CEP135: variants seen among roughly 807,000 people sequenced by gnomAD.
CEP135 encodes centrosomal protein 135, also known as centrosomal protein of 135 kDa.
A neutral mutation model predicts 157.3 loss-of-function variants in CEP135; 142 were observed. The observed-to-expected ratio is 0.90, with a 90% CI of 0.79 to 1.04. The LOEUF (loss-of-function observed/expected upper bound fraction) is 1.04. Among genes scored for constraint, CEP135 ranks in the 50% least tolerant of loss-of-function variants. The pLI is 0.00. For missense variants in CEP135, 1,317 were observed against 1,309.2 expected, an observed-to-expected ratio of 1.01 and a Z score of -0.09; for synonymous variants, 396 against 439.8, an observed-to-expected ratio of 0.90 and a Z score of 1.25.
chr4:55,995,681 T>G (rs2109707873), intron 15 of CEP135, among the ~76,000 whole-genome samples: 1 of 152,270 alleles, frequency 6.6e-6, no homozygotes, highest in South Asian at 2.1e-4. Flanking sequence ...TAAAAACCAT[T>G]TAAACATGTA....
At chr4:55,969,455 A>G (rs1728952619) in intron 9 of CEP135, among the ~76,000 whole-genome samples, 1 of 151,646 alleles carries the variant, frequency 6.6e-6, no homozygotes, top group African/African-American at 2.4e-5. Context: ...AAAAGAAAAG[A>G]AAATTTGTAT....
intron 21 of CEP135, among the ~76,000 whole-genome samples, chr4:56,014,267 G>A (rs1730693251): frequency 6.6e-6 from 1 of 152,228 alleles, no homozygotes; most frequent in Admixed American, 6.5e-5. Context: ...CTGAAAATAT[G>A]AAAGTGGCTT....
At chr4:56,014,243 G>T (rs1057185347) in intron 21 of CEP135, among the ~76,000 whole-genome samples, 2 of 152,244 alleles carry the variant, frequency 1.3e-5, no homozygotes, top group Non-Finnish European at 2.9e-5. Flanking sequence ...GTGGGTTGCT[G>T]CTACAACAAA....
chr4:55,970,072 A>G (rs1372084641), intron 9 of CEP135, among the ~76,000 whole-genome samples: 2 of 148,132 alleles, frequency 1.4e-5, no homozygotes, highest in Admixed American at 6.8e-5. Flanking sequence ...AGGTCTTACT[A>G]TGTTACCCAG....
At chr4:55,998,245 T>C (rs1730044563) in intron 15 of CEP135, among the ~76,000 whole-genome samples, 1 of 152,200 alleles carries the variant, frequency 6.6e-6, no homozygotes, top group South Asian at 2.1e-4. Flanking sequence ...ATAAATACTC[T>C]GAGGTGAGAG....
chr4:56,008,901 TG>T (rs1163994947), intron 18 of CEP135, among the ~76,000 whole-genome samples: 17 of 152,208 alleles, frequency 1.1e-4, no homozygotes, highest in African/African-American at 4.1e-4. Flanking sequence ...CTTTACTTTT[TG>T]TTTGTTTGTT....
chr4:56,029,361 A>G (rs1043655882), intron 25 of CEP135, among the ~76,000 whole-genome samples: 3 of 152,132 alleles, frequency 2.0e-5, no homozygotes. Context: ...CAGTGGCCCA[A>G]TTCTCTAATC....
chr4:56,019,132 A>G (rs1316784886), intron 22 of CEP135, among the ~76,000 whole-genome samples: 1 of 152,236 alleles, frequency 6.6e-6, no homozygotes, highest in African/African-American at 2.4e-5. Flanking sequence ...ATTTGAGTAG[A>G]TCCTATAGCC....
intron 22 of CEP135, among the ~76,000 whole-genome samples, chr4:56,018,665 G>A (rs1050665721): frequency 3.3e-5 from 5 of 152,038 alleles, no homozygotes; most frequent in African/African-American, 1.2e-4. Context: ...GGCTGAGGCA[G>A]GGAAGGTTCA....
At chr4:55,980,317 A>C in intron 12 of CEP135, 22 bp downstream of exon 12, 1 of 1,432,126 alleles carries the variant, frequency 7.0e-7, no homozygotes, top group East Asian at 2.3e-5. Context: ...ATTATAATTA[A>C]GCCAATAGAT....
intron 25 of CEP135, among the ~76,000 whole-genome samples, chr4:56,025,907 CA>C (rs57866677): frequency 2.7e-3 from 373 of 136,964 alleles, no homozygotes; most frequent in Non-Finnish European, 3.1e-3. Flanking sequence ...GCATGAAAAT[CA>C]AAAAAAAAAA....
At chr4:55,953,364 T>G (rs1018532888) in intron 3 of CEP135, 89 bp downstream of exon 3, 1 of 1,019,568 alleles carries the variant, frequency 9.8e-7, no homozygotes, top group Non-Finnish European at 1.4e-6. Flanking sequence ...TTAAAACTAT[T>G]GATTAGAAAA....
chr4:55,955,317 CAG>C (rs767101729), intron 4 of CEP135, among the ~76,000 whole-genome samples: 16 of 152,108 alleles, frequency 1.1e-4, no homozygotes, highest in South Asian at 2.1e-4. Flanking sequence ...AGATTGCAGT[CAG>C]AGTGGAATTT....
chr4:55,974,686 T>A, intron 10 of CEP135, 60 bp from the exon 11 acceptor site: 1 of 1,246,696 alleles, frequency 8.0e-7, no homozygotes, highest in Non-Finnish European at 1.1e-6. Flanking sequence ...TATAATTTAC[T>A]TGACTAATCA....
At chr4:55,984,445 A>C (rs1001713470) in intron 13 of CEP135, among the ~76,000 whole-genome samples, 1 of 152,128 alleles carries the variant, frequency 6.6e-6, no homozygotes, top group Admixed American at 6.6e-5. Context: ...ATATTCATGG[A>C]TTTTATTTTG....
chr4:56,027,837 G>A (rs1270201038), intron 25 of CEP135, among the ~76,000 whole-genome samples: 1 of 151,746 alleles, frequency 6.6e-6, no homozygotes, highest in Non-Finnish European at 1.5e-5. Flanking sequence ...CTACAGGCAC[G>A]CCACCACACC....
At chr4:55,952,762 T>G (rs1277960111) in intron 2 of CEP135, among the ~76,000 whole-genome samples, 1 of 152,222 alleles carries the variant, frequency 6.6e-6, no homozygotes, top group Non-Finnish European at 1.5e-5. Flanking sequence ...CAAACCTGTA[T>G]AGCATGTTAC....
At chr4:55,993,670 G>A (rs1180292977) in intron 15 of CEP135, among the ~76,000 whole-genome samples, 1 of 152,182 alleles carries the variant, frequency 6.6e-6, no homozygotes, top group African/African-American at 2.4e-5. Flanking sequence ...CAGCTGACTG[G>A]ATCTAGCATG....
At chr4:55,975,204 T>A (rs992177039) in intron 11 of CEP135, among the ~76,000 whole-genome samples, 1 of 152,184 alleles carries the variant, frequency 6.6e-6, no homozygotes, top group African/African-American at 2.4e-5. Context: ...AATAGCTGAG[T>A]TGTAGAAGTG....
Sources: gnomAD v4.1 joint callset for allele counts (sites outside exome capture counted in the v4.1 genomes callset) on GRCh38, gnomAD v4.1.1 for gene constraint, MANE v1.5 for transcripts, NCBI Gene and HGNC (gene_info 2026-07-23, HGNC 2026-07-21) for gene names.